EXTL3: variants seen among roughly 807,000 people sequenced by gnomAD.
EXTL3 encodes exostosin like glycosyltransferase 3, also known as exostosin-like 3.
A neutral mutation model predicts 69.3 loss-of-function variants in EXTL3; 27 were observed. The ratio of observed to expected loss-of-function variants is 0.39; its 90% CI spans 0.29 to 0.54. The LOEUF is 0.54. Ranked by LOEUF, EXTL3 falls within the 20% of genes least tolerant of loss-of-function variation. The pLI, the probability that EXTL3 is intolerant of heterozygous loss-of-function variation, is 0.69. For missense variants in EXTL3, 1,003 were observed against 1,231.8 expected, an observed-to-expected ratio of 0.81 and a Z score of 2.78; for synonymous variants, 511 against 499.4, an observed-to-expected ratio of 1.02 and a Z score of -0.31.
intron 4 of EXTL3, among the ~76,000 whole-genome samples, chr8:28,733,066 G>C (rs958174681): frequency 3.9e-5 from 6 of 152,088 alleles, no homozygotes; most frequent in Non-Finnish European, 7.4e-5. Flanking sequence ...TCTGTTGATG[G>C]ATATTTGGGT....
chr8:28,737,914 C>A (rs1314754082), intron 5 of EXTL3, among the ~76,000 whole-genome samples: 1 of 151,858 alleles, frequency 6.6e-6, no homozygotes, highest in Non-Finnish European at 1.5e-5. Context: ...TCTTTCTGGG[C>A]GTTGGCTCTC....
chr8:28,632,620 C>T (rs1159621858), intron 1 of EXTL3, among the ~76,000 whole-genome samples: 2 of 142,708 alleles, frequency 1.4e-5, no homozygotes, highest in African/African-American at 5.3e-5. Context: ...GTGGTACGAT[C>T]TCGGCTCACC....
In EXTL3 at chr8:28,717,017, G is replaced by T. The variant is rs148151365; in HGVS notation, c.958G>T (p.Val320Phe). 6 of 1,614,192 alleles carry T rather than the reference G, an allele frequency of 3.7e-6. No homozygotes were observed. Among genetic ancestry groups the T allele is most frequent in the Non-Finnish European group, 5.1e-6 (6 of 1,180,034 alleles). ...CTTTGACTTGGTCGTATCACCGCTG[G>T]TCCATGCCATGTCTGAGCCCAACTT... ...PGFDLVVSPL[V>F]HAMSEPNFME... The change falls in exon 3 of 7, where the codon GTC becomes TTC. Residue 320 changes from valine (V) to phenylalanine (F), a missense_variant. Physicochemically the swap from Val to Phe is conservative, Grantham distance 50. Transcript: ENST00000220562. The surrounding 1 kb of genome is among the most constrained non-coding windows in gnomAD (Gnocchi z 8.3).
In EXTL3 at chr8:28,623,114, C is replaced by T. The variant is rs1220497874; in HGVS notation, c.-53+304C>T. 6.6e-6 allele frequency among the ~76,000 whole-genome samples: 1 copy of T among 152,078 alleles called. No individual in the cohort carries two copies. Among genetic ancestry groups the T allele is most frequent in the East Asian group, 1.9e-4 (1 of 5,170 alleles). The stretch of plus-strand genomic sequence containing the variant: ...GGGCTGGGCTGGGTTTCTACAGAGG[C>T]GGGAATTTGTGAGAACTGGGAGAGT... On this transcript the variant is annotated intron_variant, in intron 1 of 6. Transcript: ENST00000523149. This position sits in a 1 kb window ranked among gnomAD's most constrained non-coding sequence, Gnocchi z 4.2.
chr8:28,736,712 GA>G (rs1293569544), intron 4 of EXTL3, among the ~76,000 whole-genome samples: 1 of 152,194 alleles, frequency 6.6e-6, no homozygotes, highest in South Asian at 2.1e-4. Flanking sequence ...CTCTGTAAAA[GA>G]AAAGTGTGCA....
chr8:28,634,671 T>C (rs912700166), intron 1 of EXTL3, among the ~76,000 whole-genome samples: 3 of 151,048 alleles, frequency 2.0e-5, no homozygotes, highest in African/African-American at 2.4e-5. Flanking sequence ...TCTCAGCTCA[T>C]TGCAACCTCC....
intron 2 of EXTL3, among the ~76,000 whole-genome samples, chr8:28,611,044 A>G (rs984363656): frequency 2.0e-5 from 3 of 152,092 alleles, no homozygotes; most frequent in East Asian, 1.9e-4. Context: ...CACCCCCTAC[A>G]TCTGTTTGAT....
chr8:28,743,307 A>G (rs943788958), intron 6 of EXTL3, 93 bp downstream of exon 6: 1 of 1,414,694 alleles, frequency 7.1e-7, no homozygotes, highest in African/African-American at 1.4e-5. Flanking sequence ...TGTACCTCAG[A>G]GTCCTCATTT....
chr8:28,618,711 C>G (rs1448406691), upstream of EXTL3, among the ~76,000 whole-genome samples: 1 of 152,110 alleles, frequency 6.6e-6, no homozygotes, highest in Non-Finnish European at 1.5e-5. Context: ...CCCGCAGGGT[C>G]AGGCCAGGCA....
At chr8:28,658,124 C>A (rs111498726) in intron 1 of EXTL3, among the ~76,000 whole-genome samples, 1,680 of 152,298 alleles carry the variant, frequency 0.011, 30 homozygotes, top group African/African-American at 0.038. Context: ...GCAGAAGCCA[C>A]GTGGTCCTGC....
At position 28,743,151 on chromosome 8, in the gene EXTL3, C is replaced by A; in HGVS notation, c.2487C>A (p.Ile829=). The A allele has an allele frequency of 6.2e-7, 1 of 1,614,206 alleles. No individual in the cohort carries two copies. The highest frequency in any genetic ancestry group is 8.5e-7 in the Non-Finnish European group (1 of 1,179,998). ...TCCGGGACATGGTGGATGAATACAT[C>A]AACTGTGAGGACATTGCCATGAACT... ...QAIRDMVDEY[I]NCEDIAMNFL... is the part of the protein sequence containing the mutation. The change falls in exon 6 of 7, where the codon ATC becomes ATA. Residue 829 remains isoleucine (I), a synonymous_variant. Transcript: ENST00000220562.
At chr8:28,657,384 T>A (rs1186256365) in intron 1 of EXTL3, among the ~76,000 whole-genome samples, 2 of 152,264 alleles carry the variant, frequency 1.3e-5, no homozygotes, top group African/African-American at 4.8e-5. Context: ...CTGCATCCAC[T>A]GCCCTTTCTT....
chr8:28,731,929 G>A (rs1020945934), intron 4 of EXTL3, among the ~76,000 whole-genome samples: 3 of 152,162 alleles, frequency 2.0e-5, no homozygotes, highest in Non-Finnish European at 4.4e-5. Context: ...AACCCGTACT[G>A]TGTGCCAGGG....
At chr8:28,629,855 A>G (rs1806546623) in intron 1 of EXTL3, among the ~76,000 whole-genome samples, 1 of 152,166 alleles carries the variant, frequency 6.6e-6, no homozygotes, top group Admixed American at 6.6e-5. Flanking sequence ...CAGAAAACCC[A>G]AAAGACAGAC....
intron 3 of EXTL3, among the ~76,000 whole-genome samples, chr8:28,730,593 A>G (rs759699085): frequency 1.3e-4 from 20 of 152,224 alleles, no homozygotes; most frequent in Non-Finnish European, 2.5e-4. Context: ...ATGTATGTTG[A>G]ATCACTTAGA....
chr8:28,654,593 C>G (rs538123075), intron 1 of EXTL3, among the ~76,000 whole-genome samples: 1 of 152,090 alleles, frequency 6.6e-6, no homozygotes, highest in South Asian at 2.1e-4. Flanking sequence ...GCTGGGGAGT[C>G]TAGCTTTAAA....
At chr8:28,737,095 C>A (rs1801668677) in intron 4 of EXTL3, among the ~76,000 whole-genome samples, 1 of 152,206 alleles carries the variant, frequency 6.6e-6, no homozygotes, top group African/African-American at 2.4e-5. Flanking sequence ...CAGGCATGAG[C>A]CATCCCACCA....
chr8:28,668,165 G>A (rs982252283), intron 1 of EXTL3, among the ~76,000 whole-genome samples: 2 of 151,212 alleles, frequency 1.3e-5, no homozygotes, highest in African/African-American at 4.9e-5. Context: ...TACTTGTGAG[G>A]CTGACGTGAG....
In EXTL3 at chr8:28,647,293, G is replaced by T. The variant is rs181064272; in HGVS notation, c.-53+24483G>T. Among the ~76,000 whole-genome samples, 37 of 151,892 alleles carry T rather than the reference G, an allele frequency of 2.4e-4. 1 individual carries two copies. Among genetic ancestry groups the T allele is most frequent in the African/African-American group, 8.7e-4 (36 of 41,410 alleles). On this transcript the variant is annotated intron_variant, in intron 1 of 6. Transcript: ENST00000523149. ...TGAATTTTTTTTATTTAGTAGAGACGGGGGTTTCACCATGTTGTCCAGGCT... is the reference window on the plus strand; with the variant it reads ...TGAATTTTTTTTATTTAGTAGAGACTGGGGTTTCACCATGTTGTCCAGGCT...
Sources: gnomAD v4.1 joint callset for allele counts (sites outside exome capture counted in the v4.1 genomes callset) on GRCh38, gnomAD v4.1.1 for gene constraint, Gnocchi (gnomAD v3.1) non-coding constraint, MANE v1.5 for transcripts, NCBI Gene and HGNC (gene_info 2026-07-23, HGNC 2026-07-21) for gene names.